FKTN: variants seen among roughly 807,000 people sequenced by gnomAD.
The protein encoded by FKTN is ribitol-5-phosphate transferase FKTN.
In FKTN, 47 loss-of-function variants were observed where a neutral mutation model predicts 58.6. The observed-to-expected ratio is 0.80, with a 90% CI of 0.63 to 1.02. FKTN has a LOEUF of 1.02. FKTN is among the 50% of genes least tolerant of loss of function. The pLI is 0.00. For missense variants in FKTN, 516 were observed against 537.3 expected (o/e 0.96, Z 0.39); for synonymous variants, 178 against 191.9 (o/e 0.93, Z 0.60).
At chr9:105,573,824 T>C (rs780104720) in intron 2 of FKTN, 78 bp downstream of exon 2, 1 of 152,180 alleles carries the variant, frequency 6.6e-6, no homozygotes, top group Non-Finnish European at 1.5e-5. Context: ...AATCAGATAT[T>C]GTCAAGGGAA....
chr9:105,572,974 C>G (rs1274165605), intron 1 of FKTN, among the ~76,000 whole-genome samples: 1 of 152,162 alleles, frequency 6.6e-6, no homozygotes, highest in African/African-American at 2.4e-5. Context: ...GTGGCTCATG[C>G]CTGTAATCCC....
intron 10 of FKTN, among the ~76,000 whole-genome samples, chr9:105,629,596 T>C (rs1449961953): frequency 3.3e-5 from 5 of 152,188 alleles, no homozygotes; most frequent in South Asian, 2.1e-4. Context: ...TGTAGAGCTA[T>C]AGAGTTTTTG....
intron 3 of FKTN, among the ~76,000 whole-genome samples, chr9:105,590,050 T>C (rs1844586811): frequency 6.6e-6 from 1 of 152,196 alleles, no homozygotes; most frequent in South Asian, 2.1e-4. Flanking sequence ...ATCTGACTAT[T>C]GTTTTAAAAC....
At chr9:105,588,135 C>G (rs1176698659) in intron 3 of FKTN, among the ~76,000 whole-genome samples, 1 of 152,186 alleles carries the variant, frequency 6.6e-6, no homozygotes, top group East Asian at 1.9e-4. Flanking sequence ...CTGTTGGATA[C>G]TGCATTTCAA....
At chr9:105,572,183 TTCACA>T (rs1438711963) in intron 1 of FKTN, among the ~76,000 whole-genome samples, 1 of 151,992 alleles carries the variant, frequency 6.6e-6, no homozygotes, top group Non-Finnish European at 1.5e-5. Flanking sequence ...AGGTGAATTG[TTCACA>T]TCACTATTGG....
At chr9:105,581,764 G>T (rs1243636621) in intron 3 of FKTN, among the ~76,000 whole-genome samples, 5 of 152,280 alleles carry the variant, frequency 3.3e-5, no homozygotes, top group African/African-American at 7.2e-5. Flanking sequence ...CCCTCCCCCA[G>T]CCTCGCTGCC....
intron 1 of FKTN, among the ~76,000 whole-genome samples, chr9:105,565,753 T>C (rs1363895505): frequency 6.6e-6 from 1 of 152,024 alleles, no homozygotes; most frequent in Non-Finnish European, 1.5e-5. Context: ...GACAGAAAGT[T>C]AACAAGGATA....
intron 1 of FKTN, among the ~76,000 whole-genome samples, chr9:105,561,095 A>C (rs932533656): frequency 6.7e-6 from 1 of 149,872 alleles, no homozygotes; most frequent in African/African-American, 2.4e-5. Flanking sequence ...AAAAAACAAA[A>C]AAAAAAACAA....
intron 3 of FKTN, among the ~76,000 whole-genome samples, chr9:105,579,824 G>A (rs1478632679): frequency 6.6e-6 from 1 of 151,330 alleles, no homozygotes; most frequent in Non-Finnish European, 1.5e-5. Context: ...GGTCACACAG[G>A]ACTTGCTTTA....
At chr9:105,562,637 G>C (rs1405900787) in intron 1 of FKTN, among the ~76,000 whole-genome samples, 1 of 152,172 alleles carries the variant, frequency 6.6e-6, no homozygotes, top group Non-Finnish European at 1.5e-5. Context: ...AGGCAGTTTA[G>C]TTTTGGAAAA....
intron 3 of FKTN, among the ~76,000 whole-genome samples, chr9:105,593,590 G>A (rs946617677): frequency 1.1e-4 from 17 of 152,138 alleles, no homozygotes; most frequent in African/African-American, 4.1e-4. Context: ...TACTAAGGAA[G>A]TGAATATAGA....
chr9:105,592,438 A>T (rs980713121), intron 3 of FKTN, among the ~76,000 whole-genome samples: 3 of 152,094 alleles, frequency 2.0e-5, no homozygotes, highest in Non-Finnish European at 4.4e-5. Context: ...GGAGTTCGAG[A>T]TCAGCCTGGC....
intron 3 of FKTN, among the ~76,000 whole-genome samples, chr9:105,581,544 G>A (rs1201231448): frequency 2.0e-5 from 3 of 151,382 alleles, no homozygotes; most frequent in Non-Finnish European, 3.0e-5. Flanking sequence ...CCAGCTGCGT[G>A]CTGGGAGAAC....
chr9:105,632,661 G>A (rs1833633607), intron 10 of FKTN, among the ~76,000 whole-genome samples: 1 of 151,960 alleles, frequency 6.6e-6, no homozygotes, highest in African/African-American at 2.4e-5. Flanking sequence ...AGATTTTAAG[G>A]ATATCTGTGA....
At chr9:105,633,752 T>C (rs1833757661) in intron 10 of FKTN, among the ~76,000 whole-genome samples, 1 of 152,246 alleles carries the variant, frequency 6.6e-6, no homozygotes, top group South Asian at 2.1e-4. Flanking sequence ...TTTTCATGTA[T>C]GGCTTTATGT....
Position 105,636,135 on chromosome 9 carries a change from A to G in FKTN, c.*871A>G. 1 of 958,560 alleles carries G rather than the reference A, an allele frequency of 1.0e-6. No individual in the cohort carries two copies. Among genetic ancestry groups the G allele is most frequent in the Non-Finnish European group, 1.2e-6 (1 of 805,616 alleles). The allele number at this position is 958,560 out of a possible 1,614,324, so 59.4% of individuals were successfully genotyped here. Reference sequence around the variant, plus strand: ...CAGTCTGTTAGGTAAAAATATGAGAAATTCATGTACATTTTATATTTTCTG... The same window carrying G: ...CAGTCTGTTAGGTAAAAATATGAGAGATTCATGTACATTTTATATTTTCTG... On this transcript the variant is annotated 3_prime_UTR_variant, in exon 11 of 11. Transcript: ENST00000357998.
At chr9:105,598,801 C>G (rs1384740103) in intron 4 of FKTN, 1 of 151,934 alleles carries the variant, frequency 6.6e-6, no homozygotes, top group Non-Finnish European at 1.5e-5. Context: ...TATTTAACAC[C>G]AACCTGAGAT....
chr9:105,636,337 T>G lies in FKTN; in HGVS notation c.*1073T>G. The G allele has an allele frequency of 1.0e-6, 1 of 981,424 alleles. No homozygotes were observed. Among genetic ancestry groups the G allele is most frequent in the Non-Finnish European group, 1.2e-6 (1 of 826,226 alleles). The allele number at this position is 981,424 out of a possible 1,614,324, so 60.8% of individuals were successfully genotyped here. Reference sequence around the variant, plus strand: ...AATGGCATGTAAACCTGCCTGTTTCTTCTCCTCTTCTAATATATCAGATCT... The same window carrying G: ...AATGGCATGTAAACCTGCCTGTTTCGTCTCCTCTTCTAATATATCAGATCT... On this transcript the variant is annotated 3_prime_UTR_variant, in exon 11 of 11. Coordinates refer to ENST00000357998, the MANE Select transcript of FKTN (RefSeq NM_001079802.2).
intron 7 of FKTN, among the ~76,000 whole-genome samples, chr9:105,611,948 C>A (rs1588159778): frequency 1.3e-5 from 2 of 152,178 alleles, no homozygotes; most frequent in African/African-American, 4.8e-5. Context: ...AATGGTTGAA[C>A]TAATTTACAC....
Sources: gnomAD v4.1 joint callset for allele counts (sites outside exome capture counted in the v4.1 genomes callset) on GRCh38, gnomAD v4.1.1 for gene constraint, MANE v1.5 for transcripts, NCBI Gene and HGNC (gene_info 2026-07-23, HGNC 2026-07-21) for gene names.